Variants in ARF4 observed in about 807,000 individuals in gnomAD.
The protein encoded by ARF4 is ADP-ribosylation factor 4.
A neutral mutation model predicts 24.3 loss-of-function variants in ARF4; 5 were observed. The ratio of observed to expected loss-of-function variants is 0.21; its 90% CI spans 0.11 to 0.43. ARF4 has a LOEUF of 0.43. ARF4 is among the 20% of genes least tolerant of loss of function. The pLI, the probability that ARF4 is intolerant of heterozygous loss-of-function variation, is 1.00. For missense variants in ARF4, 107 were observed against 213.0 expected, an observed-to-expected ratio of 0.50 and a Z score of 3.10; for synonymous variants, 62 against 73.5, an observed-to-expected ratio of 0.84 and a Z score of 0.80.
In ARF4 at chr3:57,585,318, A is replaced by G. The variant is rs567957675; in HGVS notation, c.68-854T>C. ...GCTAAGGGGTAAAAAATACACTGGTATAAGTATGTCCTAGTGGTATAACTA... is the reference window on the plus strand; with the variant it reads ...GCTAAGGGGTAAAAAATACACTGGTGTAAGTATGTCCTAGTGGTATAACTA... On this transcript the variant is annotated intron_variant, in intron 1 of 5. Coordinates refer to ENST00000303436, the MANE Select transcript of ARF4 (RefSeq NM_001660.4). Among the ~76,000 whole-genome samples, 6 of 152,346 alleles carry G rather than the reference A, an allele frequency of 3.9e-5. No homozygotes were observed. The South Asian group carries it at 8.3e-4, about 21-fold the overall frequency.
chr3:57,590,143 A>C (rs1320384730), intron 1 of ARF4, among the ~76,000 whole-genome samples: 1 of 147,056 alleles, frequency 6.8e-6, no homozygotes, highest in East Asian at 1.9e-4. Context: ...AAAACAAAAA[A>C]CAAAAAAAGA....
intron 3 of ARF4, among the ~76,000 whole-genome samples, chr3:57,579,236 AAG>A (rs1294889158): frequency 1.1e-5 from 1 of 87,284 alleles, no homozygotes; most frequent in East Asian, 1.1e-3. Context: ...CCTGGGCGAC[AAG>A]AGCAAACTAC....
intron 3 of ARF4, among the ~76,000 whole-genome samples, chr3:57,582,135 A>T (rs1232740093): frequency 4.6e-5 from 7 of 152,192 alleles, no homozygotes; most frequent in Non-Finnish European, 8.8e-5. Context: ...TCGGATAAGG[A>T]ATGTTCACCT....
chr3:57,595,980 A>G (rs1438359015), intron 1 of ARF4, among the ~76,000 whole-genome samples: 1 of 151,970 alleles, frequency 6.6e-6, no homozygotes, highest in Non-Finnish European at 1.5e-5. Context: ...AGAAAAATAA[A>G]ACCTCCTCCG....
At chr3:57,596,887 G>C in intron 1 of ARF4, 187 bp downstream of exon 1, 2 of 609,936 alleles carry the variant, frequency 3.3e-6, no homozygotes, top group Middle Eastern at 3.7e-4. Flanking sequence ...TCTGGCGACA[G>C]ATCGGGGGCG....
chr3:57,584,477 A>G lies in ARF4; in HGVS notation c.68-13T>C, dbSNP rs2070013505. 6.2e-7 allele frequency: 1 copy of G among 1,603,978 alleles called. No individual in the cohort carries two copies. Among genetic ancestry groups the G allele is most frequent in the African/African-American group, 1.3e-5 (1 of 74,632 alleles). ...GCATCCAATCCAACTAGAAGAAGAC[A>G]TTATAGATTTAAAATCCAGACCAAA... is the stretch of plus-strand genomic sequence containing the variant. On this transcript the variant is annotated splice_polypyrimidine_tract_variant and intron_variant, in intron 1 of 5. Transcript: ENST00000303436.
At chr3:57,582,124 T>G in intron 3 of ARF4, among the ~76,000 whole-genome samples, 1 of 152,174 alleles carries the variant, frequency 6.6e-6, no homozygotes, top group Middle Eastern at 3.2e-3. Flanking sequence ...TCCCAAGAAT[T>G]TCGGATAAGG....
chr3:57,593,496 C>T (rs2153409509), intron 1 of ARF4, among the ~76,000 whole-genome samples: 1 of 152,260 alleles, frequency 6.6e-6, no homozygotes, highest in Admixed American at 6.5e-5. Context: ...CCCAAAACCA[C>T]AGTCACATTC....
intron 1 of ARF4, chr3:57,596,865 G>A (rs1207159203): frequency 1.7e-6 from 1 of 575,356 alleles, no homozygotes; most frequent in African/African-American, 1.9e-5. Context: ...CCGAAGCCCT[G>A]TCCCTGTCTC....
chr3:57,596,990 G>A lies in ARF4; in HGVS notation c.67+84C>T, dbSNP rs985292628. 17 of 1,446,994 alleles carry A rather than the reference G, an allele frequency of 1.2e-5. No individual in the cohort carries two copies. The African/African-American group carries it at 2.0e-4, about 17-fold the overall frequency. 89.6% of individuals were successfully genotyped at this position (1,446,994 alleles called of 1,614,324 possible). ...CCCCTCCCCCACCACAGCGGGCGGA[G>A]GAAAAAAACAGGCCCAGAGGCCACC... On this transcript the variant is annotated intron_variant, in intron 1 of 5. Transcript: ENST00000303436.
At chr3:57,587,684 CAT>C (rs2070056195) in intron 1 of ARF4, among the ~76,000 whole-genome samples, 1 of 151,994 alleles carries the variant, frequency 6.6e-6, no homozygotes, top group Non-Finnish European at 1.5e-5. Flanking sequence ...TTTACATACT[CAT>C]TTTACTTTTT....
At chr3:57,583,691 T>TA (rs1208281681) in intron 3 of ARF4, among the ~76,000 whole-genome samples, 1 of 152,100 alleles carries the variant, frequency 6.6e-6, no homozygotes, top group African/African-American at 2.4e-5. Context: ...TCCAAACACT[T>TA]ACCGCAATTG....
intron 1 of ARF4, 116 bp from the exon 2 acceptor site, chr3:57,584,580 T>TA: frequency 1.2e-6 from 1 of 864,116 alleles, no homozygotes; most frequent in Non-Finnish European, 1.8e-6. Context: ...AACTTCTAAA[T>TA]GAGTTAGAAA....
chr3:57,581,219 G>A (rs2069966795), intron 3 of ARF4, among the ~76,000 whole-genome samples: 1 of 152,156 alleles, frequency 6.6e-6, no homozygotes, highest in South Asian at 2.1e-4. Flanking sequence ...TTTATAGCTA[G>A]GAGAACTGAT....
chr3:57,589,675 G>A (rs187517119), intron 1 of ARF4, among the ~76,000 whole-genome samples: 53 of 150,100 alleles, frequency 3.5e-4, no homozygotes, highest in South Asian at 1.3e-3. Flanking sequence ...CCCATACCGC[G>A]CCACGGCACT....
chr3:57,597,161 T>G lies in ARF4; in HGVS notation c.-21A>C, dbSNP rs764114525. On this transcript the variant is annotated 5_prime_UTR_variant, in exon 1 of 6. Transcript: ENST00000303436. ...CCCATGGCGGTAGTGGCACTTGTGA[T>G]GGGCAGAAGCAGAAGGGGTTTGGGG... The G allele has an allele frequency of 6.2e-7, 1 of 1,609,732 alleles. No homozygotes were observed. Among genetic ancestry groups the G allele is most frequent in the Admixed American group, 1.7e-5 (1 of 59,972 alleles).
rs192693889 is a variant in ARF4 at position 57,590,357 on chromosome 3, G to T, written c.68-5893C>A. Reference sequence around the variant, plus strand: ...AAAAATTAGCCGGGCGCAGTGGCGGGTGCCTGTAATCCCAGCTACTTGGGA... The same window carrying T: ...AAAAATTAGCCGGGCGCAGTGGCGGTTGCCTGTAATCCCAGCTACTTGGGA... On this transcript the variant is annotated intron_variant, in intron 1 of 5. Transcript: ENST00000303436. 4.7e-3 allele frequency among the ~76,000 whole-genome samples: 704 copies of T among 150,950 alleles called. 1 individual carries two copies. The highest frequency in any genetic ancestry group is 0.017 in the Middle Eastern group (5 of 292).
At position 57,584,388 on chromosome 3, in the gene ARF4, G is replaced by A. The variant is rs747316487; in HGVS notation, c.144C>T (p.Thr48=). Residue 48 remains threonine (T), a synonymous_variant, in exon 2 of 6, where the codon ACC becomes ACT. Transcript: ENST00000303436. ...KLGEIVTTIP[T]IGFNVETVEY... ...GTCATCTGTAAACTTTCTTACCAAT[G>A]GTAGGAATGGTGGTGACTATCTCCC... The A allele has an allele frequency of 3.1e-6, 5 of 1,607,472 alleles. No homozygotes were observed. The South Asian group carries it at 5.5e-5, about 18-fold the overall frequency.
chr3:57,576,522 T>G (rs938305938), intron 4 of ARF4, among the ~76,000 whole-genome samples: 5 of 151,044 alleles, frequency 3.3e-5, no homozygotes, highest in Non-Finnish European at 7.4e-5. Flanking sequence ...TTTTTTTTTT[T>G]TTTTGAAGAG....
Sources: allele counts gnomAD v4.1 joint callset (sites outside exome capture counted in the v4.1 genomes callset), GRCh38; gene constraint gnomAD v4.1.1; transcripts MANE v1.5; gene names NCBI Gene and HGNC (gene_info 2026-07-23, HGNC 2026-07-21).